SLC44A5: variants seen among roughly 807,000 people sequenced by gnomAD.
SLC44A5 encodes solute carrier family 44 member 5, also known as choline transporter-like protein 5.
SLC44A5 carries 57 observed loss-of-function variants against 101.8 expected under a neutral mutation model. The ratio of observed to expected loss-of-function variants is 0.56; its 90% confidence interval spans 0.45 to 0.70. The LOEUF (loss-of-function observed/expected upper bound fraction) is 0.70, where lower values mean the gene tolerates loss of function less well. Among genes scored for constraint, SLC44A5 ranks in the 30% least tolerant of loss-of-function variants. The probability of loss-of-function intolerance (pLI) is 0.00; values close to 1 mark genes in which losing one functional copy is unlikely to be tolerated. For synonymous variants in SLC44A5, 281 were observed against 290.9 expected (o/e 0.97, Z 0.35); for missense variants, 737 against 853.1 (o/e 0.86, Z 1.70).
the SLC44A5 span, among the ~76,000 whole-genome samples, chr1:75,649,313 C>T: frequency 2.6e-5 from 4 of 152,100 alleles, 1 homozygote; most frequent in African/African-American, 9.7e-5. Flanking sequence ...AGTTTAAATA[C>T]ATTTAACAGT....
chr1:75,502,016 C>A (rs1344653190), intron 2 of SLC44A5, among the ~76,000 whole-genome samples: 3 of 152,136 alleles, frequency 2.0e-5, no homozygotes, highest in African/African-American at 7.2e-5. Flanking sequence ...TACTGAAGTT[C>A]TTTGTGATGA....
At chr1:75,239,961 T>C (rs1179183744) in intron 9 of SLC44A5, among the ~76,000 whole-genome samples, 3 of 150,464 alleles carry the variant, frequency 2.0e-5, no homozygotes, top group Non-Finnish European at 3.0e-5. Flanking sequence ...TGTCCTCCCA[T>C]ATTTCTGTGC....
chr1:75,555,116 T>C (rs113710599), intron 1 of SLC44A5, among the ~76,000 whole-genome samples: 37 of 152,216 alleles, frequency 2.4e-4, no homozygotes, highest in African/African-American at 8.9e-4. Flanking sequence ...GTCAAATAAA[T>C]GCAACATGGT....
chr1:75,219,818 T>C lies in SLC44A5; in HGVS notation c.1160A>G (p.Tyr387Cys). 1 of 1,612,502 alleles carries C rather than the reference T, an allele frequency of 6.2e-7. No homozygotes were observed. The highest frequency in any genetic ancestry group is 8.5e-7 in the Non-Finnish European group (1 of 1,178,942). Residue 387 changes from tyrosine (Y) to cysteine (C), a missense_variant, in exon 15 of 24, where the codon TAC (tyrosine) becomes TGC (cysteine). Transcript: ENST00000370859. Reference protein sequence around the residue: ...TFILLSICICYWVVTAVFLAT... With the variant: ...TFILLSICICCWVVTAVFLAT... The stretch of plus-strand genomic sequence containing the variant: ...AGGATACACTGCTGTCACGACCCAG[T>C]AGCAAATGCAGATTGAGAGCAAAAT...
chr1:75,420,672 G>T (rs1663948448), intron 2 of SLC44A5, among the ~76,000 whole-genome samples: 1 of 152,016 alleles, frequency 6.6e-6, no homozygotes, highest in Non-Finnish European at 1.5e-5. Flanking sequence ...GATTATTGTG[G>T]AATGTAAAGT....
chr1:75,604,173 T>C (rs1675182262), intron 1 of SLC44A5, among the ~76,000 whole-genome samples: 1 of 152,190 alleles, frequency 6.6e-6, no homozygotes, highest in African/African-American at 2.4e-5. Flanking sequence ...CTGATCCATC[T>C]TGAGTTAATT....
At chr1:75,506,568 G>T (rs1669270972) in intron 2 of SLC44A5, among the ~76,000 whole-genome samples, 1 of 152,054 alleles carries the variant, frequency 6.6e-6, no homozygotes, top group Non-Finnish European at 1.5e-5. Context: ...TCCATGATTG[G>T]ATGTACTCCT....
intron 1 of SLC44A5, among the ~76,000 whole-genome samples, chr1:75,559,354 C>G (rs1019169432): frequency 6.6e-6 from 1 of 151,908 alleles, no homozygotes; most frequent in African/African-American, 2.4e-5. Context: ...AGGAACTGCA[C>G]AAGCAAAAGC....
At chr1:75,274,493 T>A (rs900752087) in intron 6 of SLC44A5, among the ~76,000 whole-genome samples, 1 of 152,260 alleles carries the variant, frequency 6.6e-6, no homozygotes, top group East Asian at 1.9e-4. Flanking sequence ...GCCAGGTTGC[T>A]TGGAAAAGGA....
intron 2 of SLC44A5, among the ~76,000 whole-genome samples, chr1:75,506,410 C>T (rs1250789136): frequency 6.6e-6 from 1 of 152,056 alleles, no homozygotes; most frequent in East Asian, 1.9e-4. Context: ...TTGATAAGAA[C>T]AGGCTTGAAT....
intron 4 of SLC44A5, among the ~76,000 whole-genome samples, chr1:75,330,100 T>C (rs1035398689): frequency 4.2e-5 from 6 of 141,740 alleles, no homozygotes; most frequent in African/African-American, 1.7e-4. Context: ...ATGAAATATA[T>C]ATATATACAC....
intron 7 of SLC44A5, among the ~76,000 whole-genome samples, chr1:75,248,798 G>A (rs1570465952): frequency 1.3e-5 from 2 of 152,228 alleles, no homozygotes; most frequent in Non-Finnish European, 2.9e-5. Flanking sequence ...GGAGTAGGCT[G>A]AAAGCTACCT....
intron 1 of SLC44A5, among the ~76,000 whole-genome samples, chr1:75,572,902 C>A (rs567008253): frequency 6.6e-6 from 1 of 151,804 alleles, no homozygotes; most frequent in East Asian, 1.9e-4. Flanking sequence ...GCAGGCAGAT[C>A]GCCTGAGATC....
intron 3 of SLC44A5, among the ~76,000 whole-genome samples, chr1:75,367,039 A>G (rs1249846): frequency 0.51 from 77,962 of 152,032 alleles, 22,028 homozygotes; most frequent in East Asian, 0.94. Flanking sequence ...CATTTCTTTG[A>G]TGTCAGTTAC....
chr1:75,662,385 T>C, the SLC44A5 span, among the ~76,000 whole-genome samples: 6 of 151,624 alleles, frequency 4.0e-5, no homozygotes, highest in Admixed American at 3.3e-4. Context: ...TGAAGAGGGG[T>C]TGGATAATAG....
intron 14 of SLC44A5, among the ~76,000 whole-genome samples, chr1:75,221,338 G>A (rs1647075832): frequency 6.6e-6 from 1 of 152,028 alleles, no homozygotes; most frequent in South Asian, 2.1e-4. Context: ...ATGCTTTCCC[G>A]GTTACTTCCA....
rs183657523 is a variant in SLC44A5, at chr1:75,375,878, G to A, written c.52+20705C>T. Among the ~76,000 whole-genome samples, 712 of 152,328 alleles carry A rather than the reference G, an allele frequency of 4.7e-3. 6 individuals carry two copies. The highest frequency in any genetic ancestry group is 0.016 in the African/African-American group (676 of 41,566). On this transcript the variant is annotated intron_variant, in intron 3 of 23. Transcript: ENST00000370859. Reference sequence around the variant, plus strand: ...ACAGCTCCTGTCTACAGCTCCCAGCGTGAGTGACACAGAAGATGGGTGATT... The same window carrying A: ...ACAGCTCCTGTCTACAGCTCCCAGCATGAGTGACACAGAAGATGGGTGATT...
chr1:75,656,504 C>A, the SLC44A5 span, among the ~76,000 whole-genome samples: 5 of 152,032 alleles, frequency 3.3e-5, no homozygotes, highest in African/African-American at 1.2e-4. Flanking sequence ...AACATAAAGT[C>A]AAAAAGTAGA....
intron 20 of SLC44A5, 106 bp from the exon 21 acceptor site, chr1:75,214,095 T>TACAATTTCA: frequency 1.4e-6 from 1 of 721,102 alleles, no homozygotes; most frequent in Non-Finnish European, 2.4e-6. Flanking sequence ...GTGTCTTTGC[T>TACAATTTCA]GAAATTGTAT....
Sources: allele counts gnomAD v4.1 joint callset (sites outside exome capture counted in the v4.1 genomes callset), GRCh38; gene constraint gnomAD v4.1.1; transcripts MANE v1.5; gene names NCBI Gene and HGNC (gene_info 2026-07-23, HGNC 2026-07-21).